Variants in COL23A1 observed in about 807,000 individuals in gnomAD.
COL23A1 encodes collagen type XXIII alpha 1 chain, also known as collagen alpha-1(XXIII) chain.
A neutral mutation model predicts 99.3 loss-of-function variants in COL23A1; 97 were observed. That is an observed-to-expected ratio of 0.98 (90% CI 0.83 to 1.16). The LOEUF is 1.16. Among genes scored for constraint, COL23A1 ranks in the 50% most tolerant of loss-of-function variants. COL23A1 has a pLI of 0.00. For synonymous variants in COL23A1, 320 were observed against 308.2 expected (o/e 1.04, Z -0.40); for missense variants, 762 against 757.4 (o/e 1.01, Z -0.07).
At chr5:178,246,908 G>C (rs905127742) in intron 22 of COL23A1, among the ~76,000 whole-genome samples, 5 of 152,182 alleles carry the variant, frequency 3.3e-5, no homozygotes, top group Non-Finnish European at 7.3e-5. Flanking sequence ...CTGCAGGCTC[G>C]GGCCTGGGCT....
chr5:178,254,987 C>T lies in COL23A1; in HGVS notation c.922G>A (p.Val308Met). ...AAGATCCTGCCATCATAGTCGATCA[C>T]CACTGTGTCTCCCTGCTCGCCCTTG... ...GLKGEQGDTV[V>M]IDYDGRILDA... Residue 308 changes from valine to methionine, a missense_variant, in exon 16 of 29, where the codon GTG becomes ATG. Physicochemically the swap from Val to Met is conservative, Grantham distance 21 (BLOSUM62 1). Coordinates refer to ENST00000390654, the MANE Select transcript of COL23A1 (RefSeq NM_173465.4). 1.2e-6 allele frequency: 2 copies of T among 1,613,774 alleles called. No individual in the cohort carries two copies. The highest frequency in any genetic ancestry group is 1.7e-6 in the Non-Finnish European group (2 of 1,179,804).
At chr5:178,368,152 C>T (rs1463437415) in intron 2 of COL23A1, among the ~76,000 whole-genome samples, 1 of 152,158 alleles carries the variant, frequency 6.6e-6, no homozygotes, top group African/African-American at 2.4e-5. Flanking sequence ...TCTGGATCAA[C>T]TTGTTTTGTC....
At chr5:178,494,376 G>A (rs1283220735) in intron 2 of COL23A1, among the ~76,000 whole-genome samples, 2 of 152,180 alleles carry the variant, frequency 1.3e-5, no homozygotes, top group Non-Finnish European at 2.9e-5. Context: ...GTGATGTGTT[G>A]GGAGGATGGG....
chr5:178,366,433 C>T lies in COL23A1; in HGVS notation c.362-59514G>A, dbSNP rs1052889400. Among the ~76,000 whole-genome samples, 2 of 152,240 alleles carry T rather than the reference C, an allele frequency of 1.3e-5. No individual in the cohort carries two copies. The highest frequency in any genetic ancestry group is 2.9e-5 in the Non-Finnish European group (2 of 68,046). ...GCTCCCATCCGCCCTTCCCTGCATC[C>T]TCCTGGGCTGGTTCCAGTTTGGGGC... is the stretch of plus-strand genomic sequence containing the variant. On this transcript the variant is annotated intron_variant, in intron 2 of 28. Coordinates refer to ENST00000390654, the MANE Select transcript of COL23A1 (RefSeq NM_173465.4). This position sits in a 1 kb window ranked among gnomAD's most constrained non-coding sequence, Gnocchi z 4.4.
Position 178,238,408 on chromosome 5 carries a change from C to T in COL23A1, c.*290G>A, listed in dbSNP as rs111977623. 1.4e-3 allele frequency: 678 copies of T among 476,624 alleles called. 4 individuals are homozygous for T. Among genetic ancestry groups the T allele is most frequent in the African/African-American group, 7.1e-3 (364 of 51,154 alleles). 29.5% of individuals were successfully genotyped at this position (476,624 alleles called of 1,614,324 possible). A position where few individuals can be genotyped will look rare whatever the true frequency, so the allele number is the denominator to read the frequency against. On this transcript the variant is annotated 3_prime_UTR_variant, in exon 29 of 29. Coordinates refer to ENST00000390654, the MANE Select transcript of COL23A1 (RefSeq NM_173465.4). ...GCTGATCAGGTGACTGAAGGCCCAA[C>T]GTAGCATCTTTCTAGCCTTGCCCGA...
At chr5:178,555,386 G>A (rs1244956375) in intron 2 of COL23A1, among the ~76,000 whole-genome samples, 6 of 152,112 alleles carry the variant, frequency 3.9e-5, no homozygotes, top group African/African-American at 1.2e-4. Context: ...GTATCTGCTG[G>A]GGTTGCTGAG....
chr5:178,562,697 G>A (rs904537525), intron 1 of COL23A1: 5 of 151,292 alleles, frequency 3.3e-5, no homozygotes, highest in East Asian at 1.9e-4. Flanking sequence ...GCTCCCACAA[G>A]GTGAGGGACC....
At position 178,536,628 on chromosome 5, in the gene COL23A1, G is replaced by A. The variant is rs1428078660; in HGVS notation, c.361+24054C>T. ...ATGGCCTCACACTTCTAGGCCCACAGCACTGAGTCCCAGGCCCTGAGCTCC... is the reference window on the plus strand; with the variant it reads ...ATGGCCTCACACTTCTAGGCCCACAACACTGAGTCCCAGGCCCTGAGCTCC... On this transcript the variant is annotated intron_variant, in intron 2 of 28. Coordinates refer to ENST00000390654, the MANE Select transcript of COL23A1 (RefSeq NM_173465.4). 2.6e-5 allele frequency among the ~76,000 whole-genome samples: 4 copies of A among 152,324 alleles called. No homozygotes were observed. In the East Asian group the frequency reaches 7.7e-4, roughly 29 times the overall value.
At position 178,256,571 on chromosome 5, in the gene COL23A1, C is replaced by T. The variant is rs116540747; in HGVS notation, c.838-174G>A. Among the ~76,000 whole-genome samples, 433 of 152,340 alleles carry T rather than the reference C, an allele frequency of 2.8e-3. 1 individual carries two copies. The highest frequency in any genetic ancestry group is 9.7e-3 in the African/African-American group (402 of 41,574). On this transcript the variant is annotated intron_variant, in intron 14 of 28. Transcript: ENST00000390654. ...GGAACGGGGCTCCTCCAGGGGCCTG[C>T]GAGACCCTCCTCTGACATCACTTCG... is the stretch of plus-strand genomic sequence containing the variant.
At chr5:178,336,828 CA>C (rs1760348164) in intron 2 of COL23A1, among the ~76,000 whole-genome samples, 1 of 152,060 alleles carries the variant, frequency 6.6e-6, no homozygotes, top group Non-Finnish European at 1.5e-5. Flanking sequence ...CTTTTAAAAA[CA>C]AAAATTAAAA....
chr5:178,408,426 C>CT lies in COL23A1; in HGVS notation c.362-101508dup, dbSNP rs1240025639. Among the ~76,000 whole-genome samples the CT allele has an allele frequency of 2.0e-5, 3 of 152,268 alleles. No individual in the cohort carries two copies. In the South Asian group the frequency reaches 6.2e-4, roughly 32 times the overall value. On this transcript the variant is annotated intron_variant, in intron 2 of 28. Coordinates refer to ENST00000390654, the MANE Select transcript of COL23A1 (RefSeq NM_173465.4). Reference sequence around the variant, plus strand: ...AATATGGGTAAATATAATAGGTCTTCTTTTACAGAGTTTTCTAAATTACAT... The same window carrying CT: ...AATATGGGTAAATATAATAGGTCTTCTTTTTACAGAGTTTTCTAAATTACAT...
intron 8 of COL23A1, among the ~76,000 whole-genome samples, chr5:178,264,100 C>T (rs1248643284): frequency 1.3e-5 from 2 of 152,096 alleles, no homozygotes; most frequent in Admixed American, 1.3e-4. Flanking sequence ...CATGAGGGAC[C>T]TTTGTGGGCT....
chr5:178,271,326 C>T (rs534210724), intron 5 of COL23A1, among the ~76,000 whole-genome samples: 2 of 152,298 alleles, frequency 1.3e-5, no homozygotes, highest in South Asian at 4.1e-4. Context: ...TTGGCCGCAG[C>T]AACGATGCAC....
intron 2 of COL23A1, among the ~76,000 whole-genome samples, chr5:178,460,962 A>T (rs1055715064): frequency 1.1e-4 from 16 of 152,070 alleles, no homozygotes; most frequent in Non-Finnish European, 2.4e-4. Context: ...TTTTTTTTAA[A>T]CGTAAAGAAA....
chr5:178,377,717 A>G (rs1364634131), intron 2 of COL23A1, among the ~76,000 whole-genome samples: 1 of 152,198 alleles, frequency 6.6e-6, no homozygotes, highest in Non-Finnish European at 1.5e-5. Context: ...TCACGGTCAC[A>G]GTCTGTCACC....
intron 2 of COL23A1, among the ~76,000 whole-genome samples, chr5:178,471,057 G>A (rs1756719033): frequency 6.6e-6 from 1 of 152,194 alleles, no homozygotes; most frequent in Non-Finnish European, 1.5e-5. Flanking sequence ...GCTGCCTTGG[G>A]ATCACCTGGG....
At chr5:178,471,032 C>A (rs1292513173) in intron 2 of COL23A1, among the ~76,000 whole-genome samples, 1 of 152,218 alleles carries the variant, frequency 6.6e-6, no homozygotes, top group Admixed American at 6.5e-5. Flanking sequence ...GAAAAAGCAT[C>A]TGCTCCAGTG....
At chr5:178,292,104 G>A (rs900984128) in intron 3 of COL23A1, among the ~76,000 whole-genome samples, 11 of 152,056 alleles carry the variant, frequency 7.2e-5, no homozygotes, top group Admixed American at 3.3e-4. Context: ...CTCAGCCTGT[G>A]CCTGCATCTG....
At chr5:178,342,123 A>C (rs1458409280) in intron 2 of COL23A1, among the ~76,000 whole-genome samples, 1 of 152,094 alleles carries the variant, frequency 6.6e-6, no homozygotes, top group South Asian at 2.1e-4. Flanking sequence ...AAGTGCTTTG[A>C]TTCCTTTGCT....
Sources: gnomAD v4.1 joint callset for allele counts (sites outside exome capture counted in the v4.1 genomes callset) on GRCh38, gnomAD v4.1.1 for gene constraint, Gnocchi (gnomAD v3.1) non-coding constraint, MANE v1.5 for transcripts, NCBI Gene and HGNC (gene_info 2026-07-23, HGNC 2026-07-21) for gene names.